GABBR2: variants seen among roughly 807,000 people sequenced by gnomAD.
GABBR2 encodes the protein G-protein coupled receptor 51.
GABBR2 carries 23 observed loss-of-function variants against 105.6 expected under a neutral mutation model. That is an observed-to-expected ratio of 0.22 (90% CI 0.16 to 0.31). The LOEUF (loss-of-function observed/expected upper bound fraction) is 0.31. Ranked by LOEUF, GABBR2 falls within the 10% of genes least tolerant of loss-of-function variation. The probability of loss-of-function intolerance (pLI) is 1.00; values close to 1 mark genes in which losing one functional copy is unlikely to be tolerated. For missense variants in GABBR2, 734 were observed against 1,245.5 expected, an observed-to-expected ratio of 0.59 and a Z score of 6.18; for synonymous variants, 478 against 499.7, an observed-to-expected ratio of 0.96 and a Z score of 0.58.
At position 98,548,912 on chromosome 9, in the gene GABBR2, GT is replaced by G. The variant is rs1588222961; in HGVS notation, c.460-6870del. On this transcript the variant is annotated intron_variant, in intron 2 of 18. Transcript: ENST00000259455. ...TCCTTGAGAGTGTATGTATGTGTAT[GT>G]TTTTTTGTTTGTTTATTTGTTTGGT... Among the ~76,000 whole-genome samples the G allele has an allele frequency of 3.3e-5, 4 of 120,698 alleles. 2 individuals are homozygous for G. The East Asian group carries it at 1.4e-3, about 44-fold the overall frequency. The allele number at this position is 120,698 out of a possible 152,430, so 79.2% of individuals were successfully genotyped here. A position where few individuals can be genotyped will look rare whatever the true frequency, so the allele number is the denominator to read the frequency against.
intron 7 of GABBR2, among the ~76,000 whole-genome samples, chr9:98,414,832 C>G (rs1203702038): frequency 6.6e-6 from 1 of 152,080 alleles, no homozygotes; most frequent in Non-Finnish European, 1.5e-5. Flanking sequence ...TCCCCGTTTT[C>G]CCCCCTGTCA....
chr9:98,658,785 A>G (rs1310782665), intron 1 of GABBR2, among the ~76,000 whole-genome samples: 1 of 152,180 alleles, frequency 6.6e-6, no homozygotes, highest in Non-Finnish European at 1.5e-5. Flanking sequence ...GTTGTGGCTC[A>G]CAGGGATCAC....
chr9:98,566,505 C>T (rs565176856), intron 2 of GABBR2, among the ~76,000 whole-genome samples: 1 of 152,116 alleles, frequency 6.6e-6, no homozygotes, highest in South Asian at 2.1e-4. Context: ...GAAACTCCGT[C>T]TCTACTAAAA....
chr9:98,482,416 C>T (rs1826945010), intron 4 of GABBR2, among the ~76,000 whole-genome samples: 1 of 152,210 alleles, frequency 6.6e-6, no homozygotes. Flanking sequence ...CCTTTGTCAT[C>T]ACCACGTCTG....
intron 7 of GABBR2, among the ~76,000 whole-genome samples, chr9:98,425,412 C>CT (rs1832856710): frequency 6.6e-6 from 1 of 152,184 alleles, no homozygotes; most frequent in Non-Finnish European, 1.5e-5. Context: ...GAGGTCTGTG[C>CT]TTGGTACACA....
intron 1 of GABBR2, among the ~76,000 whole-genome samples, chr9:98,661,166 C>T (rs1263939807): frequency 6.6e-6 from 1 of 152,134 alleles, no homozygotes; most frequent in Non-Finnish European, 1.5e-5. Flanking sequence ...CCTCCGCCTC[C>T]CATAGTGCTA....
intron 1 of GABBR2, among the ~76,000 whole-genome samples, chr9:98,610,701 TG>T (rs1033538263): frequency 7.9e-5 from 12 of 151,716 alleles, no homozygotes; most frequent in African/African-American, 2.9e-4. Flanking sequence ...ACAAAAGGAT[TG>T]GTTTTCCCCC....
chr9:98,635,005 T>C (rs1437334551), intron 1 of GABBR2, among the ~76,000 whole-genome samples: 1 of 152,192 alleles, frequency 6.6e-6, no homozygotes, highest in Non-Finnish European at 1.5e-5. Flanking sequence ...CTAGCTTTGT[T>C]TTCTGAGAGC....
At chr9:98,519,457 C>T (rs1320875771) in intron 3 of GABBR2, among the ~76,000 whole-genome samples, 1 of 152,200 alleles carries the variant, frequency 6.6e-6, no homozygotes, top group Admixed American at 6.5e-5. Context: ...CGGGAAAGGC[C>T]GGAGCAACAG....
At chr9:98,614,270 T>C (rs761540119) in intron 1 of GABBR2, among the ~76,000 whole-genome samples, 3 of 152,168 alleles carry the variant, frequency 2.0e-5, no homozygotes, top group African/African-American at 7.2e-5. Flanking sequence ...ACGCCTGTAA[T>C]CCCAGCACTT....
At chr9:98,505,692 G>A (rs559178658) in intron 3 of GABBR2, among the ~76,000 whole-genome samples, 1 of 152,294 alleles carries the variant, frequency 6.6e-6, no homozygotes, top group Non-Finnish European at 1.5e-5. Flanking sequence ...TTGGGGCACA[G>A]AGACATGAAG....
chr9:98,620,666 T>C (rs1204603440), intron 1 of GABBR2, among the ~76,000 whole-genome samples: 1 of 152,210 alleles, frequency 6.6e-6, no homozygotes, highest in Non-Finnish European at 1.5e-5. Flanking sequence ...TGAATCTTCT[T>C]TGAGGCATTG....
At chr9:98,617,558 T>G (rs1457503016) in intron 1 of GABBR2, among the ~76,000 whole-genome samples, 2 of 152,076 alleles carry the variant, frequency 1.3e-5, no homozygotes, top group Non-Finnish European at 2.9e-5. Flanking sequence ...CACACAAAAA[T>G]ACCAAGATTC....
chr9:98,328,139 C>T (rs1284601399), intron 13 of GABBR2, among the ~76,000 whole-genome samples: 1 of 151,712 alleles, frequency 6.6e-6, no homozygotes, highest in East Asian at 1.9e-4. Flanking sequence ...TCCAAGGCCA[C>T]CCTCCAGCCT....
In GABBR2 at chr9:98,454,376, A is replaced by T. The variant is rs1055986514; in HGVS notation, c.1000-159T>A. 6.6e-6 allele frequency among the ~76,000 whole-genome samples: 1 copy of T among 152,134 alleles called. No individual in the cohort carries two copies. Among genetic ancestry groups the T allele is most frequent in the Non-Finnish European group, 1.5e-5 (1 of 68,014 alleles). On this transcript the variant is annotated intron_variant, in intron 6 of 18. Transcript: ENST00000259455. The surrounding 1 kb of genome is among the most constrained non-coding windows in gnomAD (Gnocchi z 4.6). ...CTCATTTAACCCTCACAACAACCTC[A>T]TAAGGTGGGTACTGTTATTGTCCCC...
rs1215726542 is a variant in GABBR2, at chr9:98,385,858, A to G, written c.1530-86T>C. On this transcript the variant is annotated intron_variant, in intron 10 of 18. Coordinates refer to ENST00000259455, the MANE Select transcript of GABBR2 (RefSeq NM_005458.8). ...GGTATTTTCTAAACGCCTGCTAGAT[A>G]TATATTGTTGCTCAGGCTAGAGGGG... is the stretch of plus-strand genomic sequence containing the variant. 9 of 1,080,138 alleles carry G rather than the reference A, an allele frequency of 8.3e-6. No homozygotes were observed. The East Asian group carries it at 1.4e-4, about 17-fold the overall frequency. 66.9% of individuals were successfully genotyped at this position (1,080,138 alleles called of 1,614,324 possible).
Position 98,362,739 on chromosome 9 carries a change from C to A in GABBR2, c.1869G>T (p.Arg623Ser). 6.2e-7 allele frequency: 1 copy of A among 1,600,900 alleles called. No individual in the cohort carries two copies. The highest frequency in any genetic ancestry group is 8.5e-7 in the Non-Finnish European group (1 of 1,174,580). The change falls in exon 13 of 19, where the codon AGG becomes AGT. Residue 623 changes from arginine (R) to serine (S), a missense_variant. Around this residue, in one of 7 missense-constraint regions of GABBR2, gnomAD observed 52 missense variants for 81.3 expected, o/e 0.64. Coordinates refer to ENST00000259455, the MANE Select transcript of GABBR2 (RefSeq NM_005458.8). Reference sequence around the variant, plus strand: ...CCTCCATGCTGTACTTCTCCACTGTCCTTCGCAGGGGGTCCACAGCCTGCC... The same window carrying A: ...CCTCCATGCTGTACTTCTCCACTGTACTTCGCAGGGGGTCCACAGCCTGCC... ...ICWQAVDPLR[R>S]TVEKYSMEPD...
chr9:98,496,812 ACC>A (rs1827290813), intron 3 of GABBR2, among the ~76,000 whole-genome samples: 1 of 152,172 alleles, frequency 6.6e-6, no homozygotes, highest in Non-Finnish European at 1.5e-5. Context: ...GTGTTTCTCC[ACC>A]ACATCACACT....
intron 3 of GABBR2, among the ~76,000 whole-genome samples, chr9:98,506,657 GA>G (rs1490961465): frequency 6.6e-6 from 1 of 152,210 alleles, no homozygotes; most frequent in African/African-American, 2.4e-5. Context: ...CCCCTGTGGG[GA>G]CATATGGGGC....
Sources: gnomAD v4.1 joint callset for allele counts (sites outside exome capture counted in the v4.1 genomes callset) on GRCh38, gnomAD v4.1.1 for gene constraint, gnomAD v4.1.1 regional missense constraint, Gnocchi (gnomAD v3.1) non-coding constraint, MANE v1.5 for transcripts, NCBI Gene and HGNC (gene_info 2026-07-23, HGNC 2026-07-21) for gene names.